PDE8B: variants seen among roughly 807,000 people sequenced by gnomAD.
PDE8B encodes the protein high affinity cAMP-specific and IBMX-insensitive 3',5'-cyclic phosphodiesterase 8B.
In PDE8B, 26 loss-of-function variants were observed where a neutral mutation model predicts 101.3. The ratio of observed to expected loss-of-function variants is 0.26; its 90% CI spans 0.19 to 0.36. The LOEUF (loss-of-function observed/expected upper bound fraction) is 0.36, where lower values mean the gene tolerates loss of function less well. PDE8B is among the 10% of genes least tolerant of loss of function. The pLI, the probability that PDE8B is intolerant of heterozygous loss-of-function variation, is 1.00. For synonymous variants in PDE8B, 424 were observed against 429.3 expected (o/e 0.99, Z 0.15); for missense variants, 810 against 1,163.1 (o/e 0.70, Z 4.42).
chr5:77,192,590 G>T, the PDE8B span, among the ~76,000 whole-genome samples: 1 of 152,130 alleles, frequency 6.6e-6, no homozygotes, highest in Non-Finnish European at 1.5e-5. Context: ...TGAACATTTG[G>T]GTTGTTTCCA....
At chr5:77,103,807 C>T in the PDE8B span, among the ~76,000 whole-genome samples, 448 of 152,310 alleles carry the variant, frequency 2.9e-3, no homozygotes, top group African/African-American at 0.01. Context: ...CTTGAGACAG[C>T]TTCTTAGCCT....
chr5:77,367,116 TAGAAAG>T (rs1784279429), intron 10 of PDE8B, among the ~76,000 whole-genome samples: 1 of 151,878 alleles, frequency 6.6e-6, no homozygotes, highest in Non-Finnish European at 1.5e-5. Flanking sequence ...TTTGTAAACT[TAGAAAG>T]AGGAGGGTAT....
intron 7 of PDE8B, among the ~76,000 whole-genome samples, chr5:77,348,742 G>T (rs922142996): frequency 2.4e-4 from 37 of 152,274 alleles, no homozygotes; most frequent in South Asian, 1.2e-3. Context: ...GAGTGCAACG[G>T]TGCAATCATA....
chr5:77,341,186 G>A (rs910735937), intron 6 of PDE8B, among the ~76,000 whole-genome samples: 2 of 152,074 alleles, frequency 1.3e-5, no homozygotes, highest in Non-Finnish European at 2.9e-5. Flanking sequence ...TTTGCTGCAG[G>A]TTTATTTAAA....
At chr5:77,320,982 G>T (rs1010267679) in intron 2 of PDE8B, among the ~76,000 whole-genome samples, 64 of 151,810 alleles carry the variant, frequency 4.2e-4, no homozygotes, top group African/African-American at 1.5e-3. Flanking sequence ...TACCAAAAAA[G>T]TACATAAGTA....
At chr5:77,107,423 T>C in the PDE8B span, among the ~76,000 whole-genome samples, 6 of 152,232 alleles carry the variant, frequency 3.9e-5, no homozygotes, top group Non-Finnish European at 7.3e-5. Context: ...TTCTCCTCCA[T>C]AGATTCCTTA....
intron 1 of PDE8B, among the ~76,000 whole-genome samples, chr5:77,242,908 C>T (rs748397460): frequency 9.6e-4 from 146 of 152,184 alleles, no homozygotes; most frequent in Non-Finnish European, 1.8e-3. Flanking sequence ...CCTTGTGATC[C>T]GCCTGTCTCG....
intron 1 of PDE8B, among the ~76,000 whole-genome samples, chr5:77,247,438 A>T (rs1757181565): frequency 6.6e-6 from 1 of 152,194 alleles, no homozygotes. Context: ...CAATGAGTGC[A>T]TCCCTGATGG....
chr5:77,425,931 TTG>T (rs1561706504), intron 21 of PDE8B, 35 bp downstream of exon 21: 1 of 1,592,898 alleles, frequency 6.3e-7, no homozygotes. Context: ...CCAAAGAAAA[TTG>T]TTATACTTTA....
At chr5:77,223,185 G>A (rs1338408167) in intron 1 of PDE8B, among the ~76,000 whole-genome samples, 1 of 152,040 alleles carries the variant, frequency 6.6e-6, no homozygotes. Flanking sequence ...ATTTTGACAT[G>A]TACTCAATAT....
In PDE8B at chr5:77,325,407, T is replaced by C. The variant is rs1471896861; in HGVS notation, c.400-132T>C. On this transcript the variant is annotated intron_variant, in intron 2 of 21. Transcript: ENST00000264917. ...CTGGTCTTGAACACCTGGGCTTAAG[T>C]AGTCCACTGCCTCAGCCTCCCAAAG... 7 of 809,108 alleles carry C rather than the reference T, an allele frequency of 8.7e-6. No individual in the cohort carries two copies. The African/African-American group carries it at 1.0e-4, about 12-fold the overall frequency. 50.1% of individuals were successfully genotyped at this position (809,108 alleles called of 1,614,324 possible).
intron 1 of PDE8B, among the ~76,000 whole-genome samples, chr5:77,292,416 A>G (rs1052718515): frequency 4.6e-5 from 7 of 152,226 alleles, no homozygotes; most frequent in African/African-American, 1.7e-4. Context: ...TAACTGTTTC[A>G]GTTACCAAGG....
the PDE8B span, among the ~76,000 whole-genome samples, chr5:77,198,837 CA>C: frequency 1.6e-5 from 2 of 123,062 alleles, no homozygotes; most frequent in Non-Finnish European, 3.5e-5. Context: ...TCTTCTGGGA[CA>C]TTTTTTTTTC....
At chr5:77,109,927 G>GT in the PDE8B span, among the ~76,000 whole-genome samples, 24,157 of 67,038 alleles carry the variant, frequency 0.36, 9,295 homozygotes, top group East Asian at 0.41. Context: ...TTGTATTTCA[G>GT]TTTTTTTTTT....
the PDE8B span, among the ~76,000 whole-genome samples, chr5:77,174,698 C>T: frequency 2.0e-5 from 3 of 152,138 alleles, no homozygotes; most frequent in Admixed American, 1.3e-4. Flanking sequence ...GTATCTCCTC[C>T]GCTGCGTGAC....
intron 18 of PDE8B, 142 bp from the exon 19 acceptor site, chr5:77,419,625 C>G: frequency 2.2e-6 from 2 of 920,418 alleles, no homozygotes. Context: ...GGAGGACGAG[C>G]TCTTCTTGTG....
intron 7 of PDE8B, among the ~76,000 whole-genome samples, chr5:77,349,130 T>G (rs1461472164): frequency 6.6e-6 from 1 of 152,176 alleles, no homozygotes; most frequent in African/African-American, 2.4e-5. Flanking sequence ...AGATGAGGGC[T>G]TCCTGTGTTT....
chr5:77,137,229 T>A, the PDE8B span, among the ~76,000 whole-genome samples: 6 of 152,298 alleles, frequency 3.9e-5, no homozygotes, highest in South Asian at 1.2e-3. Flanking sequence ...TATTTTCATG[T>A]TAAAAGAGAG....
chr5:77,161,671 A>G, the PDE8B span, among the ~76,000 whole-genome samples: 11 of 152,276 alleles, frequency 7.2e-5, no homozygotes, highest in South Asian at 2.3e-3. Flanking sequence ...ACACATAAGC[A>G]TATACATAAT....
Sources: gnomAD v4.1 joint callset for allele counts (sites outside exome capture counted in the v4.1 genomes callset) on GRCh38, gnomAD v4.1.1 for gene constraint, MANE v1.5 for transcripts, NCBI Gene and HGNC (gene_info 2026-07-23, HGNC 2026-07-21) for gene names.